The following RAD51B variants were observed in gnomAD, a reference collection of about 807,000 sequenced individuals.
The protein encoded by RAD51B is DNA repair protein RAD51 homolog 2.
In RAD51B, 38 loss-of-function variants were observed where a neutral mutation model predicts 42.2. That is an observed-to-expected ratio of 0.90 (90% CI 0.70 to 1.18). The LOEUF (loss-of-function observed/expected upper bound fraction) is 1.18. Ranked by LOEUF, RAD51B falls within the 50% of genes most tolerant of loss-of-function variation. The pLI, the probability that RAD51B is intolerant of heterozygous loss-of-function variation, is 0.00. For synonymous variants in RAD51B, 154 were observed against 145.2 expected (o/e 1.06, Z -0.43); for missense variants, 373 against 400.7 (o/e 0.93, Z 0.59).
At chr14:67,971,659 C>G (rs913017260) in intron 7 of RAD51B, among the ~76,000 whole-genome samples, 2 of 151,946 alleles carry the variant, frequency 1.3e-5, no homozygotes, top group Admixed American at 1.3e-4. Context: ...TTGATGTATT[C>G]CAGACTTCCC....
chr14:68,218,312 A>G lies in RAD51B; in HGVS notation c.757-73572A>G, dbSNP rs150361659. Among the ~76,000 whole-genome samples the G allele has an allele frequency of 7.2e-5, 11 of 152,360 alleles. 1 individual carries two copies. The highest frequency in any genetic ancestry group is 2.6e-4 in the Admixed American group (4 of 15,306). On this transcript the variant is annotated intron_variant, in intron 7 of 10. Coordinates refer to ENST00000471583, the MANE Select transcript of RAD51B (RefSeq NM_133510.4). ...CCAAGTGAGTACCAGGGGTTAGGAA[A>G]AAGATATAATATTGCCTGGCTCATT...
At chr14:68,421,881 G>A in intron 9 of RAD51B, 1 of 1,593,230 alleles carries the variant, frequency 6.3e-7, no homozygotes, top group South Asian at 1.1e-5. Flanking sequence ...ATTTGTGTTG[G>A]GTCCAGCATT....
chr14:68,152,204 T>G (rs1030778110), intron 7 of RAD51B, among the ~76,000 whole-genome samples: 2 of 152,140 alleles, frequency 1.3e-5, no homozygotes, highest in African/African-American at 2.4e-5. Flanking sequence ...GACACATAAT[T>G]TGCTGCATGA....
chr14:68,515,566 A>G (rs1886084940), intron 10 of RAD51B, among the ~76,000 whole-genome samples: 1 of 148,522 alleles, frequency 6.7e-6, no homozygotes, highest in Non-Finnish European at 1.5e-5. Flanking sequence ...TTTCAGCCTC[A>G]GTCTCTCAAG....
At chr14:68,080,285 T>C (rs1432647908) in intron 7 of RAD51B, among the ~76,000 whole-genome samples, 1 of 152,234 alleles carries the variant, frequency 6.6e-6, no homozygotes, top group Non-Finnish European at 1.5e-5. Context: ...CTTAATCTTA[T>C]TTATTTTCTG....
chr14:68,229,815 T>A (rs554971667), intron 7 of RAD51B, among the ~76,000 whole-genome samples: 19 of 152,336 alleles, frequency 1.2e-4, no homozygotes, highest in African/African-American at 4.3e-4. Context: ...TCTTTTTAGT[T>A]AGGCAAGCCT....
At chr14:68,481,980 G>A (rs78922682), downstream of RAD51B, among the ~76,000 whole-genome samples, 8,013 of 152,226 alleles carry the variant, frequency 0.053, 673 homozygotes, top group African/African-American at 0.18. Context: ...CAGAAGACAT[G>A]CACAGGAAAG....
intron 10 of RAD51B, among the ~76,000 whole-genome samples, chr14:68,604,463 G>A (rs1308392252): frequency 5.3e-5 from 8 of 152,220 alleles, no homozygotes; most frequent in Admixed American, 2.0e-4. Context: ...CCAGCCAGGC[G>A]GGGCTGCCTT....
chr14:67,909,893 C>G (rs2043910974), intron 7 of RAD51B, among the ~76,000 whole-genome samples: 1 of 152,144 alleles, frequency 6.6e-6, no homozygotes, highest in Non-Finnish European at 1.5e-5. Flanking sequence ...TGGGCTCAAG[C>G]CATCCTCCCA....
intron 8 of RAD51B, among the ~76,000 whole-genome samples, chr14:68,327,369 G>GTTT (rs113226166): frequency 2.6e-5 from 2 of 77,058 alleles, no homozygotes; most frequent in African/African-American, 4.2e-5. Context: ...TCTTCAGTTT[G>GTTT]TTTTTTTTTG....
At chr14:67,939,992 A>G (rs1163097220) in intron 7 of RAD51B, among the ~76,000 whole-genome samples, 3 of 136,910 alleles carry the variant, frequency 2.2e-5, no homozygotes, top group Non-Finnish European at 3.1e-5. Flanking sequence ...AATAAAAAGT[A>G]TATATATAAA....
At chr14:68,203,425 A>ACAGACTTTGT (rs939969650) in intron 7 of RAD51B, among the ~76,000 whole-genome samples, 3 of 152,188 alleles carry the variant, frequency 2.0e-5, no homozygotes, top group Non-Finnish European at 2.9e-5. Context: ...ATTAAGACAT[A>ACAGACTTTGT]CTGTAAACAG....
At chr14:68,064,504 G>C (rs983120588) in intron 7 of RAD51B, among the ~76,000 whole-genome samples, 2 of 151,982 alleles carry the variant, frequency 1.3e-5, no homozygotes, top group Non-Finnish European at 2.9e-5. Context: ...CCAAGACTTG[G>C]GTAGTTCTCA....
chr14:68,223,184 G>A (rs912277999), intron 7 of RAD51B, among the ~76,000 whole-genome samples: 3 of 152,114 alleles, frequency 2.0e-5, no homozygotes, highest in East Asian at 3.9e-4. Context: ...ACTTTCCCTC[G>A]TCCTTTCCTC....
chr14:68,380,976 T>TG (rs1410857128), intron 8 of RAD51B, among the ~76,000 whole-genome samples: 1 of 152,238 alleles, frequency 6.6e-6, no homozygotes, highest in Non-Finnish European at 1.5e-5. Context: ...TGGCATCTAT[T>TG]GATACATTTC....
intron 8 of RAD51B, among the ~76,000 whole-genome samples, chr14:68,359,503 G>GTAGT (rs1594722859): frequency 6.6e-6 from 1 of 152,134 alleles, no homozygotes; most frequent in African/African-American, 2.4e-5. Context: ...TTGCTTCGAG[G>GTAGT]TAGTGAGTGG....
At chr14:68,594,648 C>T (rs1394524574) in exon 11 of RAD51B, 18 of 1,279,782 alleles carry the variant, frequency 1.4e-5, no homozygotes, top group Non-Finnish European at 1.8e-5. Context: ...AAGCTGATCT[C>T]AAACTCCTGG....
intron 7 of RAD51B, among the ~76,000 whole-genome samples, chr14:68,112,471 T>C (rs2077474630): frequency 6.6e-6 from 1 of 152,096 alleles, no homozygotes; most frequent in Non-Finnish European, 1.5e-5. Context: ...AGAATGTGCG[T>C]AGAGATACAT....
intron 7 of RAD51B, chr14:68,113,833 A>G (rs2077497835): frequency 6.6e-6 from 1 of 152,042 alleles, no homozygotes; most frequent in Non-Finnish European, 1.5e-5. Context: ...AGGCTTCCTC[A>G]CAGTTAGTTC....
Sources: gnomAD v4.1 joint callset for allele counts (sites outside exome capture counted in the v4.1 genomes callset) on GRCh38, gnomAD v4.1.1 for gene constraint, MANE v1.5 for transcripts, NCBI Gene and HGNC (gene_info 2026-07-23, HGNC 2026-07-21) for gene names.